Variants in ZNF804B observed in about 807,000 individuals in gnomAD.
The protein encoded by ZNF804B is zinc finger protein 804B.
In ZNF804B, 80 loss-of-function variants were observed where a neutral mutation model predicts 101.4. The ratio of observed to expected loss-of-function variants is 0.79; its 90% CI spans 0.66 to 0.95. The LOEUF (loss-of-function observed/expected upper bound fraction) is 0.95. ZNF804B is among the 40% of genes least tolerant of loss of function. ZNF804B has a pLI of 0.00. For synonymous variants in ZNF804B, 622 were observed against 558.8 expected, an observed-to-expected ratio of 1.11 and a Z score of -1.59; for missense variants, 1,673 against 1,561.9, an observed-to-expected ratio of 1.07 and a Z score of -1.20.
intron 1 of ZNF804B, among the ~76,000 whole-genome samples, chr7:88,789,466 A>G (rs957831502): frequency 3.9e-5 from 6 of 152,038 alleles, no homozygotes; most frequent in Non-Finnish European, 7.4e-5. Flanking sequence ...ATTTCCTTTT[A>G]CCATTGGCAA....
chr7:88,797,184 C>G (rs1361984582), intron 1 of ZNF804B, among the ~76,000 whole-genome samples: 2 of 152,040 alleles, frequency 1.3e-5, no homozygotes, highest in African/African-American at 4.8e-5. Context: ...CATGTTTCAT[C>G]CAAGTTATAT....
chr7:88,987,249 A>G (rs1315623026), intron 1 of ZNF804B, among the ~76,000 whole-genome samples: 1 of 152,130 alleles, frequency 6.6e-6, no homozygotes, highest in East Asian at 1.9e-4. Flanking sequence ...TTATATTATT[A>G]CACCATTGTG....
At chr7:89,015,529 T>C (rs1788537222) in intron 1 of ZNF804B, among the ~76,000 whole-genome samples, 1 of 151,838 alleles carries the variant, frequency 6.6e-6, no homozygotes. Context: ...ATGTTCCCCT[T>C]CCTGTGTCCA....
intron 1 of ZNF804B, among the ~76,000 whole-genome samples, chr7:89,215,883 C>CAAATTAAATAAA (rs1554379473): frequency 7.0e-6 from 1 of 143,100 alleles, no homozygotes. Context: ...GACTCCGTCT[C>CAAATTAAATAAA]TAAATAAATA....
At chr7:88,900,952 GTAATT>G (rs1275085298) in intron 1 of ZNF804B, among the ~76,000 whole-genome samples, 1 of 151,624 alleles carries the variant, frequency 6.6e-6, no homozygotes. Context: ...TTCTCAAAAA[GTAATT>G]TAATGATAAA....
chr7:89,185,303 A>T lies in ZNF804B; in HGVS notation c.109-32852A>T, dbSNP rs1459640263. On this transcript the variant is annotated intron_variant, in intron 1 of 3. Transcript: ENST00000333190. ...GTTTGGATATAGTACCTAACACAGA[A>T]GTCTTACGCATAGAAGATACAAAAT... Among the ~76,000 whole-genome samples, 14 of 152,286 alleles carry T rather than the reference A, an allele frequency of 9.2e-5. No individual in the cohort carries two copies. In the East Asian group the frequency reaches 2.7e-3, roughly 30 times the overall value.
intron 2 of ZNF804B, among the ~76,000 whole-genome samples, chr7:89,272,565 G>A (rs1328816288): frequency 6.6e-6 from 1 of 152,022 alleles, no homozygotes; most frequent in East Asian, 1.9e-4. Context: ...CTAAACAACA[G>A]ATACATTCTC....
chr7:88,850,359 A>G (rs1321773658), intron 1 of ZNF804B, among the ~76,000 whole-genome samples: 1 of 152,118 alleles, frequency 6.6e-6, no homozygotes, highest in Non-Finnish European at 1.5e-5. Flanking sequence ...AGAATAGAGT[A>G]TCAGAGGTGA....
At chr7:89,111,487 A>T (rs1486358889) in intron 1 of ZNF804B, among the ~76,000 whole-genome samples, 1 of 152,078 alleles carries the variant, frequency 6.6e-6, no homozygotes, top group African/African-American at 2.4e-5. Context: ...GATAACGTTG[A>T]GTATCTTTTC....
At chr7:89,147,668 A>G (rs895656952) in intron 1 of ZNF804B, among the ~76,000 whole-genome samples, 1 of 151,856 alleles carries the variant, frequency 6.6e-6, no homozygotes, top group South Asian at 2.1e-4. Context: ...ATTTACAGCT[A>G]CTCTGCATGG....
intron 2 of ZNF804B, among the ~76,000 whole-genome samples, chr7:89,277,850 T>C (rs1251647594): frequency 6.6e-6 from 1 of 152,102 alleles, no homozygotes; most frequent in Non-Finnish European, 1.5e-5. Flanking sequence ...TTTATAATCC[T>C]TTGGGTATAT....
At chr7:89,224,759 T>A (rs1544577) in intron 2 of ZNF804B, among the ~76,000 whole-genome samples, 2 of 40,888 alleles carry the variant, frequency 4.9e-5, no homozygotes, top group African/African-American at 1.2e-4. Flanking sequence ...TGTATGAGTG[T>A]GTGTGTGTGT....
intron 1 of ZNF804B, among the ~76,000 whole-genome samples, chr7:89,189,218 A>G (rs1788419602): frequency 6.6e-6 from 1 of 152,150 alleles, no homozygotes; most frequent in African/African-American, 2.4e-5. Flanking sequence ...ATTTTACATC[A>G]TGGCTTACTG....
chr7:88,763,098 G>A (rs1789923816), intron 1 of ZNF804B, among the ~76,000 whole-genome samples: 1 of 151,998 alleles, frequency 6.6e-6, no homozygotes, highest in Admixed American at 6.6e-5. Context: ...GGATATTATG[G>A]ATAAAACATT....
chr7:89,259,724 T>C (rs188602622), intron 2 of ZNF804B, among the ~76,000 whole-genome samples: 1 of 152,272 alleles, frequency 6.6e-6, no homozygotes, highest in East Asian at 1.9e-4. Flanking sequence ...CAGTCCTGTA[T>C]TGGATCCCAG....
At chr7:88,769,989 T>C (rs1048447475) in intron 1 of ZNF804B, among the ~76,000 whole-genome samples, 35 of 152,216 alleles carry the variant, frequency 2.3e-4, no homozygotes, top group African/African-American at 8.4e-4. Flanking sequence ...GTGAAGAGAA[T>C]CTGTTTATTT....
At position 89,258,739 on chromosome 7, in the gene ZNF804B, C is replaced by G. The variant is rs186969451; in HGVS notation, c.249+40444C>G. Among the ~76,000 whole-genome samples, 82 of 152,024 alleles carry G rather than the reference C, an allele frequency of 5.4e-4. 1 individual carries two copies. Among genetic ancestry groups the G allele is most frequent in the Admixed American group, 5.0e-3 (76 of 15,232 alleles). On this transcript the variant is annotated intron_variant, in intron 2 of 3. Transcript: ENST00000333190. ...ACATATTTTGTAAATGTATTATGTA[C>G]TGTATTCTTACAATAAAGTAAGCTA...
At chr7:88,926,064 T>C (rs540296823) in intron 1 of ZNF804B, among the ~76,000 whole-genome samples, 1 of 152,148 alleles carries the variant, frequency 6.6e-6, no homozygotes, top group Non-Finnish European at 1.5e-5. Flanking sequence ...GAAATCTTGT[T>C]CTAGACCAAG....
intron 1 of ZNF804B, among the ~76,000 whole-genome samples, chr7:89,112,154 C>T (rs1392931107): frequency 6.7e-6 from 1 of 148,984 alleles, no homozygotes; most frequent in African/African-American, 2.5e-5. Context: ...ATGTCATATA[C>T]ATTTTACAAT....
Sources: gnomAD v4.1 joint callset for allele counts (sites outside exome capture counted in the v4.1 genomes callset) on GRCh38, gnomAD v4.1.1 for gene constraint, MANE v1.5 for transcripts, NCBI Gene and HGNC (gene_info 2026-07-23, HGNC 2026-07-21) for gene names.